PTPRD: variants seen among roughly 807,000 people sequenced by gnomAD.
The protein encoded by PTPRD is receptor-type tyrosine-protein phosphatase delta.
Under a neutral mutation model 214.5 loss-of-function variants are expected in PTPRD, and 34 were observed. That is an observed-to-expected ratio of 0.16 (90% CI 0.12 to 0.21). The LOEUF is 0.21. Among genes scored for constraint, PTPRD ranks in the 10% least tolerant of loss-of-function variants. The pLI is 1.00. For missense variants in PTPRD, 2,545 were observed against 2,398.7 expected, an observed-to-expected ratio of 1.06 and a Z score of -1.27; for synonymous variants, 1,128 against 845.7, an observed-to-expected ratio of 1.33 and a Z score of -5.79.
intron 8 of PTPRD, among the ~76,000 whole-genome samples, chr9:9,415,061 G>A (rs115945319): frequency 7.6e-4 from 116 of 152,168 alleles, no homozygotes; most frequent in South Asian, 3.5e-3. Context: ...ACCTAATTAC[G>A]TACTTGTTTA....
At chr9:9,312,088 C>T (rs1264845836) in intron 9 of PTPRD, among the ~76,000 whole-genome samples, 5 of 152,178 alleles carry the variant, frequency 3.3e-5, no homozygotes, top group Non-Finnish European at 1.5e-5. Flanking sequence ...AAATCCCTCA[C>T]ATTTAGTTAG....
rs571354531 is a variant in PTPRD, at chr9:10,504,033, G to T, written c.-600+108365C>A. Among the ~76,000 whole-genome samples, 5 of 142,800 alleles carry T rather than the reference G, an allele frequency of 3.5e-5. No homozygotes were observed. In the South Asian group the frequency reaches 1.1e-3, roughly 33 times the overall value. 93.7% of individuals were successfully genotyped at this position (142,800 alleles called of 152,430 possible). A position where few individuals can be genotyped will look rare whatever the true frequency, so the allele number is the denominator to read the frequency against. On this transcript the variant is annotated intron_variant, in intron 2 of 45. Transcript: ENST00000381196. ...CCGGAGACTGAAGCAGGAGAATGGCGTGAACCCGGGAGGCAGAGCTTGCAG... is the reference window on the plus strand; with the variant it reads ...CCGGAGACTGAAGCAGGAGAATGGCTTGAACCCGGGAGGCAGAGCTTGCAG...
chr9:9,679,480 G>A (rs1431708898), intron 7 of PTPRD, among the ~76,000 whole-genome samples: 2 of 151,804 alleles, frequency 1.3e-5, no homozygotes, highest in Non-Finnish European at 2.9e-5. Context: ...TAGAATGACG[G>A]ATCCCCCTGT....
At chr9:9,941,720 G>A (rs1006786251) in intron 4 of PTPRD, among the ~76,000 whole-genome samples, 3 of 152,132 alleles carry the variant, frequency 2.0e-5, no homozygotes, top group Admixed American at 6.5e-5. Context: ...TGTGACAACT[G>A]GTGCATGGTG....
chr9:8,980,776 C>T (rs139165190), intron 11 of PTPRD, among the ~76,000 whole-genome samples: 1 of 152,182 alleles, frequency 6.6e-6, no homozygotes, highest in East Asian at 1.9e-4. Context: ...GAATTCTGTG[C>T]TTATAGCTAT....
chr9:8,324,417 A>T (rs1831515748), intron 44 of PTPRD, among the ~76,000 whole-genome samples: 1 of 152,198 alleles, frequency 6.6e-6, no homozygotes, highest in African/African-American at 2.4e-5. Flanking sequence ...ATGTCCCTGC[A>T]AAGGACATGA....
intron 2 of PTPRD, among the ~76,000 whole-genome samples, chr9:10,571,432 G>T (rs989147355): frequency 6.6e-6 from 1 of 152,082 alleles, no homozygotes; most frequent in African/African-American, 2.4e-5. Context: ...TATCATAAAT[G>T]CTGTGTTAAA....
intron 11 of PTPRD, among the ~76,000 whole-genome samples, chr9:8,734,594 C>A (rs778189452): frequency 1.3e-5 from 2 of 152,162 alleles, no homozygotes; most frequent in African/African-American, 2.4e-5. Flanking sequence ...GCCTCCTGGG[C>A]AAGGGTTTAA....
chr9:8,723,030 A>G (rs1002923772), intron 12 of PTPRD, among the ~76,000 whole-genome samples: 4 of 152,162 alleles, frequency 2.6e-5, no homozygotes, highest in Non-Finnish European at 4.4e-5. Context: ...GAACAGTAGT[A>G]CCTAATTCAA....
chr9:9,176,274 T>C (rs2099924806), intron 10 of PTPRD, among the ~76,000 whole-genome samples: 1 of 152,178 alleles, frequency 6.6e-6, no homozygotes, highest in Non-Finnish European at 1.5e-5. Context: ...CATTTATTTC[T>C]AGAAAGAGGT....
intron 11 of PTPRD, among the ~76,000 whole-genome samples, chr9:8,894,461 C>T (rs1040901511): frequency 7.0e-5 from 10 of 142,876 alleles, no homozygotes; most frequent in Admixed American, 2.1e-4. Context: ...ATACATATTG[C>T]ATGATTTATA....
intron 11 of PTPRD, among the ~76,000 whole-genome samples, chr9:8,979,043 G>A (rs186895141): frequency 2.4e-4 from 37 of 152,112 alleles, no homozygotes; most frequent in Middle Eastern, 3.4e-3. Context: ...CTCAACTTTG[G>A]CAACAGACCC....
At chr9:10,041,676 G>A (rs1424968146) in intron 3 of PTPRD, among the ~76,000 whole-genome samples, 1 of 151,850 alleles carries the variant, frequency 6.6e-6, no homozygotes, top group African/African-American at 2.4e-5. Flanking sequence ...TTATGAAAAT[G>A]TCACTAACTT....
intron 5 of PTPRD, among the ~76,000 whole-genome samples, chr9:9,802,011 T>C (rs1409153646): frequency 6.6e-6 from 1 of 152,030 alleles, no homozygotes; most frequent in Non-Finnish European, 1.5e-5. Context: ...TGGTGAGTAT[T>C]GAGAAAAAAA....
At position 9,782,325 on chromosome 9, in the gene PTPRD, T is replaced by A. The variant is rs548980470; in HGVS notation, c.-367-15474A>T. On this transcript the variant is annotated intron_variant, in intron 5 of 45. Coordinates refer to ENST00000381196, the MANE Select transcript of PTPRD (RefSeq NM_002839.4). ...ATTATAATTTAAAATGCCGATGAGA[T>A]TAAGATTTTCTAAGAATTCCTAACC... 2.0e-5 allele frequency among the ~76,000 whole-genome samples: 3 copies of A among 152,264 alleles called. No individual in the cohort carries two copies. The South Asian group carries it at 6.2e-4, about 32-fold the overall frequency.
chr9:9,276,865 G>T (rs1007875275), intron 9 of PTPRD, among the ~76,000 whole-genome samples: 3 of 151,324 alleles, frequency 2.0e-5, no homozygotes, highest in Admixed American at 6.6e-5. Context: ...AACAAAGAGA[G>T]GCCATTTGCC....
intron 14 of PTPRD, among the ~76,000 whole-genome samples, chr9:8,541,963 C>T (rs2078553825): frequency 6.6e-6 from 1 of 151,918 alleles, no homozygotes; most frequent in African/African-American, 2.4e-5. Flanking sequence ...CAAACAATGG[C>T]CAAAACCACT....
rs371669292 is a variant in PTPRD, at chr9:8,399,096, C to CTTTTTTT, written c.4210+5434_4210+5440dup. 5.8e-5 allele frequency among the ~76,000 whole-genome samples: 8 copies of CTTTTTTT among 137,726 alleles called. 1 individual carries two copies. The highest frequency in any genetic ancestry group is 8.1e-5 in the African/African-American group (3 of 37,016). The allele number at this position is 137,726 out of a possible 152,430, so 90.4% of individuals were successfully genotyped here. ...TCCTATTTAGAATAAGCCCACTAAG[C>CTTTTTTT]TTTTTTTTTTTTTTTTTCCTTGAAG... On this transcript the variant is annotated intron_variant, in intron 36 of 45. Coordinates refer to ENST00000381196, the MANE Select transcript of PTPRD (RefSeq NM_002839.4).
chr9:8,514,984 C>A (rs1361553733), intron 21 of PTPRD, among the ~76,000 whole-genome samples: 8 of 152,278 alleles, frequency 5.3e-5, no homozygotes, highest in African/African-American at 1.9e-4. Flanking sequence ...AAGGTCCTTG[C>A]TTCCCCTTCA....
Sources: allele counts gnomAD v4.1 joint callset (sites outside exome capture counted in the v4.1 genomes callset), GRCh38; gene constraint gnomAD v4.1.1; transcripts MANE v1.5; gene names NCBI Gene and HGNC (gene_info 2026-07-23, HGNC 2026-07-21).